Variants in RHBDD1 observed in about 807,000 individuals in gnomAD.
RHBDD1 encodes the protein rhomboid-related protein 4.
RHBDD1 carries 38 observed loss-of-function variants against 36.3 expected under a neutral mutation model. The observed-to-expected ratio is 1.05, with a 90% CI of 0.81 to 1.37. The LOEUF is 1.37. Ranked by LOEUF, RHBDD1 falls within the 40% of genes most tolerant of loss-of-function variation. RHBDD1 has a pLI of 0.00. For missense variants in RHBDD1, 393 were observed against 377.6 expected (o/e 1.04, Z -0.34); for synonymous variants, 151 against 136.5 (o/e 1.11, Z -0.74).
At chr2:226,882,651 T>C (rs1245754891) in intron 5 of RHBDD1, among the ~76,000 whole-genome samples, 2 of 151,988 alleles carry the variant, frequency 1.3e-5, no homozygotes, top group Admixed American at 6.6e-5. Flanking sequence ...TTACCTCTTA[T>C]TAATGTCTTT....
At position 226,993,322 on chromosome 2, in the gene RHBDD1, C is replaced by T. The variant is rs767881655; in HGVS notation, c.857-2109C>T. On this transcript the variant is annotated intron_variant, in intron 8 of 8. Transcript: ENST00000392062. Reference sequence around the variant, plus strand: ...GTGGCCTGGAGTCAGGGTGCCACGTCGAGCTTGCTTCTGACTCTGCCCTCA... The same window carrying T: ...GTGGCCTGGAGTCAGGGTGCCACGTTGAGCTTGCTTCTGACTCTGCCCTCA... Among the ~76,000 whole-genome samples, 7 of 152,192 alleles carry T rather than the reference C, an allele frequency of 4.6e-5. No individual in the cohort carries two copies. The South Asian group carries it at 6.2e-4, about 13-fold the overall frequency.
At chr2:226,985,375 A>G (rs546855768) in intron 8 of RHBDD1, among the ~76,000 whole-genome samples, 1 of 152,202 alleles carries the variant, frequency 6.6e-6, no homozygotes, top group Admixed American at 6.5e-5. Context: ...ACAATAAACA[A>G]CTCCATAATA....
chr2:226,940,645 G>A (rs1950607301), intron 8 of RHBDD1, among the ~76,000 whole-genome samples: 1 of 152,124 alleles, frequency 6.6e-6, no homozygotes, highest in Admixed American at 6.5e-5. Flanking sequence ...AAAGTAGATA[G>A]ATGATGGAGA....
chr2:226,985,669 G>A (rs559666165), intron 8 of RHBDD1, among the ~76,000 whole-genome samples: 1 of 152,376 alleles, frequency 6.6e-6, no homozygotes, highest in East Asian at 1.9e-4. Context: ...CCTGGGCTCT[G>A]TGGGAAGCCC....
chr2:226,863,364 T>C (rs1213725800), intron 3 of RHBDD1, among the ~76,000 whole-genome samples: 1 of 152,180 alleles, frequency 6.6e-6, no homozygotes, highest in African/African-American at 2.4e-5. Context: ...ATTCATTCAT[T>C]CATTCAACAT....
At chr2:226,977,640 C>T (rs1954844003) in intron 8 of RHBDD1, among the ~76,000 whole-genome samples, 1 of 152,184 alleles carries the variant, frequency 6.6e-6, no homozygotes, top group African/African-American at 2.4e-5. Context: ...TAATAGTTGT[C>T]ATCCGAGGTA....
chr2:226,866,695 A>G (rs1944376807), intron 4 of RHBDD1, among the ~76,000 whole-genome samples: 2 of 152,226 alleles, frequency 1.3e-5, no homozygotes, highest in Admixed American at 1.3e-4. Flanking sequence ...GAAACAAGGA[A>G]ATCTAATCCT....
chr2:226,888,638 A>G (rs1365662412), intron 5 of RHBDD1, among the ~76,000 whole-genome samples: 1 of 152,082 alleles, frequency 6.6e-6, no homozygotes, highest in Non-Finnish European at 1.5e-5. Context: ...AGGTGTGGCA[A>G]GGGAAAAACT....
At chr2:226,875,714 GAGAA>G (rs1945177322) in intron 5 of RHBDD1, among the ~76,000 whole-genome samples, 1 of 152,204 alleles carries the variant, frequency 6.6e-6, no homozygotes, top group Non-Finnish European at 1.5e-5. Flanking sequence ...GAAAGGGGAA[GAGAA>G]AGAACAAATA....
intron 8 of RHBDD1, among the ~76,000 whole-genome samples, chr2:226,980,541 C>T (rs1383908738): frequency 4.6e-5 from 7 of 152,164 alleles, no homozygotes; most frequent in Admixed American, 1.3e-4. Flanking sequence ...AGACACCCCT[C>T]GTGTTCTGGA....
intron 5 of RHBDD1, among the ~76,000 whole-genome samples, chr2:226,894,358 C>T (rs549094319): frequency 6.6e-6 from 1 of 152,166 alleles, no homozygotes; most frequent in African/African-American, 2.4e-5. Context: ...CAACTTCTGC[C>T]TCTTGGGCTC....
chr2:226,813,943 A>G, the RHBDD1 span, among the ~76,000 whole-genome samples: 5 of 152,184 alleles, frequency 3.3e-5, no homozygotes, highest in African/African-American at 9.7e-5. Context: ...CCAGTTTGAC[A>G]CTTCCTTAAC....
At chr2:226,926,706 C>G (rs1020701255) in intron 8 of RHBDD1, among the ~76,000 whole-genome samples, 1 of 152,190 alleles carries the variant, frequency 6.6e-6, no homozygotes, top group Non-Finnish European at 1.5e-5. Context: ...CAGAAAGTGA[C>G]TGACAAGTCT....
intron 5 of RHBDD1, among the ~76,000 whole-genome samples, chr2:226,904,269 C>A (rs1234735690): frequency 1.3e-5 from 2 of 152,214 alleles, no homozygotes; most frequent in African/African-American, 4.8e-5. Flanking sequence ...ATACACACCC[C>A]TGGACGTTGC....
chr2:226,944,577 C>T (rs568887239), intron 8 of RHBDD1, among the ~76,000 whole-genome samples: 1 of 152,164 alleles, frequency 6.6e-6, no homozygotes, highest in African/African-American at 2.4e-5. Context: ...CTACTTAACA[C>T]TTAAAAAAAT....
At chr2:226,950,369 T>C (rs1468267275) in intron 8 of RHBDD1, among the ~76,000 whole-genome samples, 1 of 152,232 alleles carries the variant, frequency 6.6e-6, no homozygotes, top group Non-Finnish European at 1.5e-5. Flanking sequence ...AATGACAACA[T>C]GGAGGATTTC....
rs527589130 is a variant in RHBDD1, at chr2:226,945,636, A to G, written c.856+31285A>G. On this transcript the variant is annotated intron_variant, in intron 8 of 8. Coordinates refer to ENST00000392062, the MANE Select transcript of RHBDD1 (RefSeq NM_001167608.3). ...GGTAAACATACGTCTGCATGTGTCT[A>G]TAGTAGAATGATTTATAATCCTTTG... Among the ~76,000 whole-genome samples the G allele has an allele frequency of 5.9e-5, 9 of 151,592 alleles. No homozygotes were observed. The South Asian group carries it at 1.7e-3, about 28-fold the overall frequency.
rs1941369084 is a variant in RHBDD1 at position 226,839,410 on chromosome 2, G to T, written c.-308G>T. 6.6e-6 allele frequency: 1 copy of T among 151,860 alleles called. No homozygotes were observed. The highest frequency in any genetic ancestry group is 1.5e-5 in the Non-Finnish European group (1 of 67,962). The allele number at this position is 151,860 out of a possible 1,614,324, so 9.4% of individuals were successfully genotyped here. A position where few individuals can be genotyped will look rare whatever the true frequency, so the allele number is the denominator to read the frequency against. ...GGACCTCATATTTTTTTTCAACAGGGAGCCTCTTAAACAGAATCTTACCTG... is the reference window on the plus strand; with the variant it reads ...GGACCTCATATTTTTTTTCAACAGGTAGCCTCTTAAACAGAATCTTACCTG... On this transcript the variant is annotated splice_region_variant and 5_prime_UTR_variant, in exon 3 of 9. An upstream open reading frame in the 5' UTR gains an earlier in-frame stop. Transcript: ENST00000392062.
chr2:226,839,838 A>G (rs538848722), intron 3 of RHBDD1, among the ~76,000 whole-genome samples: 14 of 152,278 alleles, frequency 9.2e-5, no homozygotes, highest in Non-Finnish European at 1.6e-4. Flanking sequence ...CTGTATCGCT[A>G]TTAAAAGCTA....
Sources: gnomAD v4.1 joint callset for allele counts (sites outside exome capture counted in the v4.1 genomes callset) on GRCh38, gnomAD v4.1.1 for gene constraint, MANE v1.5 for transcripts, NCBI Gene and HGNC (gene_info 2026-07-23, HGNC 2026-07-21) for gene names.